TARDBP: variants seen among roughly 807,000 people sequenced by gnomAD.
TARDBP encodes TAR DNA-binding protein 43.
A neutral mutation model predicts 38.3 loss-of-function variants in TARDBP; 4 were observed. That is an observed-to-expected ratio of 0.10 (90% CI 0.05 to 0.24). TARDBP has a LOEUF of 0.24. Ranked by LOEUF, TARDBP falls within the 10% of genes least tolerant of loss-of-function variation. The probability of loss-of-function intolerance (pLI) is 1.00; values close to 1 mark genes in which losing one functional copy is unlikely to be tolerated. For missense variants in TARDBP, 202 were observed against 521.9 expected (o/e 0.39, Z 5.97); for synonymous variants, 184 against 183.8 (o/e 1.00, Z -0.01).
chr1:11,013,642 T>G, intron 1 of TARDBP, 74 bp from the exon 2 acceptor site: 1 of 1,236,142 alleles, frequency 8.1e-7, no homozygotes, highest in Non-Finnish European at 1.2e-6. Flanking sequence ...TCTGACATGG[T>G]TTGGGTATTA....
chr1:11,021,976 A>G, intron 5 of TARDBP, 148 bp from the exon 6 acceptor site: 16 of 862,132 alleles, frequency 1.9e-5, no homozygotes, highest in Non-Finnish European at 2.7e-5. Flanking sequence ...TAAAAGCTGT[A>G]TTGGGGGTTT....
chr1:11,029,175 T>A (rs1373020098), downstream of TARDBP, among the ~76,000 whole-genome samples: 2 of 151,638 alleles, frequency 1.3e-5, no homozygotes, highest in African/African-American at 4.8e-5. Flanking sequence ...TGTATTTTTT[T>A]TTTTTTAGTA....
chr1:11,026,897 A>G, downstream of TARDBP: 1 of 1,481,120 alleles, frequency 6.8e-7, no homozygotes, highest in Non-Finnish European at 9.0e-7. Context: ...AAAAATCACT[A>G]ATTATGTTCT....
In TARDBP at chr1:11,020,161, C is replaced by T. The variant is rs919009061; in HGVS notation, c.544-268C>T. On this transcript the variant is annotated intron_variant, in intron 4 of 5. Transcript: ENST00000240185. ...AGGTGTCAGCCACCACACCTGGCCA[C>T]GATGATGAAATTGTGTAATGGCTCA... Among the ~76,000 whole-genome samples the T allele has an allele frequency of 8.6e-5, 13 of 152,024 alleles. 1 individual carries two copies. Among genetic ancestry groups the T allele is most frequent in the Admixed American group, 3.3e-4 (5 of 15,260 alleles).
chr1:11,030,059 A>C (rs1643816456), downstream of TARDBP: 3 of 692,170 alleles, frequency 4.3e-6, no homozygotes, highest in African/African-American at 3.6e-5. Context: ...ATAACAGCCT[A>C]AGAGCCAAGT....
chr1:11,022,046 A>T lies in TARDBP; in HGVS notation c.715-78A>T, dbSNP rs1643649317. On this transcript the variant is annotated intron_variant, in intron 5 of 5. Transcript: ENST00000240185. This position sits in a 1 kb window ranked among gnomAD's most constrained non-coding sequence, Gnocchi z 4.5. ...TGGCTTTAGATAAATTAATGCTTGT[A>T]ATCTAAGTTTTGTTGCTACTTTAAA... 6.5e-7 allele frequency: 1 copy of T among 1,533,572 alleles called. No individual in the cohort carries two copies. The highest frequency in any genetic ancestry group is 2.2e-5 in the East Asian group (1 of 44,478). The allele number at this position is 1,533,572 out of a possible 1,614,324, so 95.0% of individuals were successfully genotyped here. A position where few individuals can be genotyped will look rare whatever the true frequency, so the allele number is the denominator to read the frequency against.
At chr1:11,021,200 G>A (rs886344171) in intron 5 of TARDBP, among the ~76,000 whole-genome samples, 12 of 151,538 alleles carry the variant, frequency 7.9e-5, no homozygotes, top group Admixed American at 3.3e-4. Flanking sequence ...GTGTGATGGC[G>A]CGATCTTGGC....
chr1:11,018,514 A>G (rs1052161476), intron 3 of TARDBP: 6 of 632,168 alleles, frequency 9.5e-6, no homozygotes, highest in African/African-American at 7.4e-5. Flanking sequence ...AAAAAACTCA[A>G]AAACATTTCT....
intron 3 of TARDBP, 28 bp from the exon 4 acceptor site, chr1:11,018,705 T>C: frequency 6.2e-7 from 1 of 1,614,166 alleles, no homozygotes; most frequent in Non-Finnish European, 8.5e-7. Flanking sequence ...TGTGCACTTT[T>C]AGAGTAAACT....
chr1:11,024,085 A>G lies in TARDBP; in HGVS notation c.*1431A>G, dbSNP rs1216471027. On this transcript the variant is annotated 3_prime_UTR_variant, in exon 6 of 6. Coordinates refer to ENST00000240185, the MANE Select transcript of TARDBP (RefSeq NM_007375.4). ...GCAGCCCTGAATGCAAAGAATTCAT[A>G]GCAGTTAATTCCCCTTTTTTGACCC... 2 of 152,648 alleles carry G rather than the reference A, an allele frequency of 1.3e-5. No homozygotes were observed. Among genetic ancestry groups the G allele is most frequent in the African/African-American group, 4.8e-5 (2 of 41,452 alleles). 9.5% of individuals were successfully genotyped at this position (152,648 alleles called of 1,614,324 possible).
intron 3 of TARDBP, among the ~76,000 whole-genome samples, chr1:11,017,890 C>CT (rs57343468): frequency 0.78 from 115,254 of 148,252 alleles, 45,076 homozygotes; most frequent in East Asian, 0.86. Flanking sequence ...TCTCTTTTTT[C>CT]TTTTTTTTTT....
chr1:11,029,941 A>G (rs1643813794), downstream of TARDBP: 7 of 370,028 alleles, frequency 1.9e-5, no homozygotes, highest in South Asian at 3.9e-4. Context: ...TTAATTTTTT[A>G]TGCTTGCCTA....
chr1:11,026,877 C>G (rs748635006), downstream of TARDBP: 1 of 1,473,820 alleles, frequency 6.8e-7, no homozygotes, highest in South Asian at 1.5e-5. Context: ...TGACTGCAGA[C>G]ACGCAAGTTA....
At chr1:11,018,504 A>C in intron 3 of TARDBP, 1 of 592,378 alleles carries the variant, frequency 1.7e-6, no homozygotes, top group South Asian at 2.0e-5. Flanking sequence ...TCTCTTTTTT[A>C]AAAAACTCAA....
chr1:11,027,595 C>A, downstream of TARDBP: 1 of 1,614,134 alleles, frequency 6.2e-7, no homozygotes, highest in Non-Finnish European at 8.5e-7. Context: ...CCAGGTTTTG[C>A]CTTTTGCCCT....
intron 2 of TARDBP, 43 bp downstream of exon 2, chr1:11,014,008 C>T (rs1643466434): frequency 1.3e-6 from 2 of 1,582,250 alleles, no homozygotes; most frequent in East Asian, 2.2e-5. Flanking sequence ...GAAGTGTGTT[C>T]AGGTGTGTGT....
downstream of TARDBP, chr1:11,030,127 GTCC>G (rs774170581): frequency 3.6e-6 from 5 of 1,381,156 alleles, no homozygotes; most frequent in African/African-American, 5.7e-5. Context: ...CTCCTACCCA[GTCC>G]TCCTTTCCAT....
chr1:11,023,098 G>A lies in TARDBP; in HGVS notation c.*444G>A, dbSNP rs1643672509. The A allele has an allele frequency of 1.3e-6, 2 of 1,517,720 alleles. No individual in the cohort carries two copies. Among genetic ancestry groups the A allele is most frequent in the Non-Finnish European group, 1.8e-6 (2 of 1,128,172 alleles). 94.0% of individuals were successfully genotyped at this position (1,517,720 alleles called of 1,614,324 possible). On this transcript the variant is annotated 3_prime_UTR_variant, in exon 6 of 6. Coordinates refer to ENST00000240185, the MANE Select transcript of TARDBP (RefSeq NM_007375.4). ...GAAAATCTCCTTTTAGGAGATCATG[G>A]TGTCACAGTGTTTGGTTCTTTTGTT...
At chr1:11,030,182 C>T (rs1643819157), downstream of TARDBP, 3 of 1,610,654 alleles carry the variant, frequency 1.9e-6, no homozygotes, top group South Asian at 1.1e-5. Context: ...TTACCAGGCT[C>T]ACAGACTGGG....
Sources: gnomAD v4.1 joint callset for allele counts (sites outside exome capture counted in the v4.1 genomes callset) on GRCh38, gnomAD v4.1.1 for gene constraint, Gnocchi (gnomAD v3.1) non-coding constraint, MANE v1.5 for transcripts, NCBI Gene and HGNC (gene_info 2026-07-23, HGNC 2026-07-21) for gene names.